The following TSPEAR variants were observed in gnomAD, a reference collection of about 807,000 sequenced individuals.
TSPEAR encodes thrombospondin-type laminin G domain and EAR repeat-containing protein.
TSPEAR carries 69 observed loss-of-function variants against 71.6 expected under a neutral mutation model. That is an observed-to-expected ratio of 0.96 (90% confidence interval 0.79 to 1.18). The LOEUF is 1.18. Ranked by LOEUF, TSPEAR falls within the 50% of genes most tolerant of loss-of-function variation. The pLI is 0.00. For missense variants in TSPEAR, 971 were observed against 894.9 expected, an observed-to-expected ratio of 1.09 and a Z score of -1.09; for synonymous variants, 402 against 387.2, an observed-to-expected ratio of 1.04 and a Z score of -0.45.
At chr21:44,592,508 T>C in intron 1 of TSPEAR, 1 of 1,589,030 alleles carries the variant, frequency 6.3e-7, no homozygotes, top group Non-Finnish European at 8.6e-7. Flanking sequence ...TGGTGGAGGG[T>C]GAGGGAGTGA....
intron 1 of TSPEAR, chr21:44,666,182 G>A (rs1346617219): frequency 2.7e-5 from 13 of 479,968 alleles, no homozygotes; most frequent in African/African-American, 1.9e-4. Context: ...GACCAGAAAT[G>A]CAGAGCTGCA....
intron 1 of TSPEAR, among the ~76,000 whole-genome samples, chr21:44,669,433 A>G (rs192034765): frequency 4.4e-4 from 67 of 152,334 alleles, no homozygotes; most frequent in Admixed American, 2.4e-3. Context: ...AAAAAATTAA[A>G]TAAAAAAATA....
Position 44,525,846 on chromosome 21 carries a change from G to A in TSPEAR, c.1150-7C>T. On this transcript the variant is annotated splice_region_variant and splice_polypyrimidine_tract_variant and intron_variant, in intron 7 of 11. Coordinates refer to ENST00000323084, the MANE Select transcript of TSPEAR (RefSeq NM_144991.3). ...TAGCCACTGCCAGGAAGATCTGAAA[G>A]AGAGTAAACCGGGACCACGTGGTTC... 1 of 1,613,960 alleles carries A rather than the reference G, an allele frequency of 6.2e-7. No homozygotes were observed. Among genetic ancestry groups the A allele is most frequent in the East Asian group, 2.2e-5 (1 of 44,874 alleles).
intron 1 of TSPEAR, among the ~76,000 whole-genome samples, chr21:44,586,481 T>C (rs1301127240): frequency 6.6e-6 from 1 of 152,088 alleles, no homozygotes; most frequent in African/African-American, 2.4e-5. Flanking sequence ...AAGAGAAAAT[T>C]CACAAGCCAT....
intron 9 of TSPEAR, among the ~76,000 whole-genome samples, chr21:44,512,291 C>T (rs1006389049): frequency 6.1e-5 from 9 of 147,388 alleles, no homozygotes; most frequent in East Asian, 2.0e-4. Context: ...CTCTGAGACC[C>T]ACAGGAGCTA....
At position 44,527,848 on chromosome 21, in the gene TSPEAR, C is replaced by T. The variant is rs143481747; in HGVS notation, c.923-330G>A. Among the ~76,000 whole-genome samples, 172 of 152,324 alleles carry T rather than the reference C, an allele frequency of 1.1e-3. 1 individual carries two copies. In the East Asian group the frequency reaches 0.014, roughly 12 times the overall value. ...AGCTCACACACGTGCTGGGCGGAAC[C>T]CATGCCCATTTCCCACGGGTAACCT... On this transcript the variant is annotated intron_variant, in intron 6 of 11. Transcript: ENST00000323084.
rs147199600 is a variant in TSPEAR at position 44,703,998 on chromosome 21, G to A, written c.82+7435C>T. Among the ~76,000 whole-genome samples the A allele has an allele frequency of 7.9e-4, 121 of 152,316 alleles. 1 individual carries two copies. The highest frequency in any genetic ancestry group is 5.2e-4 in the Admixed American group (8 of 15,310). ...CTGAAATCCAGCAAGATGTTCCCAGGACCCTTAGTGCAGGTCTAAGATCAC... is the reference window on the plus strand; with the variant it reads ...CTGAAATCCAGCAAGATGTTCCCAGAACCCTTAGTGCAGGTCTAAGATCAC... On this transcript the variant is annotated intron_variant, in intron 1 of 11. Transcript: ENST00000323084.
chr21:44,580,907 T>C (rs587716817), intron 1 of TSPEAR, among the ~76,000 whole-genome samples: 7 of 152,324 alleles, frequency 4.6e-5, no homozygotes, highest in Admixed American at 2.0e-4. Context: ...AAGCAAACTT[T>C]TGTTGAGTAG....
chr21:44,509,886 T>C, intron 9 of TSPEAR: 1 of 169,996 alleles, frequency 5.9e-6, no homozygotes. Flanking sequence ...AAGCCCACCC[T>C]GATCCCTCTA....
At chr21:44,637,319 C>G in intron 1 of TSPEAR, 1 of 1,430,524 alleles carries the variant, frequency 7.0e-7, no homozygotes, top group Non-Finnish European at 9.5e-7. Flanking sequence ...AGGCCCTGGG[C>G]ATATAAAAGC....
chr21:44,572,020 A>G (rs587696819), intron 1 of TSPEAR, among the ~76,000 whole-genome samples: 13 of 152,284 alleles, frequency 8.5e-5, no homozygotes, highest in South Asian at 6.2e-4. Flanking sequence ...CTCAGACATG[A>G]CCAATTACAG....
chr21:44,599,859 T>C (rs1445796993), intron 1 of TSPEAR, among the ~76,000 whole-genome samples: 2 of 152,036 alleles, frequency 1.3e-5, no homozygotes, highest in East Asian at 3.9e-4. Flanking sequence ...CTGTTGAGAG[T>C]GGCTGTGCTT....
rs782205291 is a variant in TSPEAR, at chr21:44,637,450, C to G, written c.83-69445G>C. 3.7e-6 allele frequency: 6 copies of G among 1,611,668 alleles called. No individual in the cohort carries two copies. In the Admixed American group the frequency reaches 8.3e-5, roughly 22 times the overall value. On this transcript the variant is annotated intron_variant, in intron 1 of 11. Coordinates refer to ENST00000323084, the MANE Select transcript of TSPEAR (RefSeq NM_144991.3). ...CCTCCACCATGTCCATCTGCTCCAG[C>G]GCCTGCACTGACTCTTGGCGGGTAG...
chr21:44,625,420 T>C (rs1982703172), intron 1 of TSPEAR, among the ~76,000 whole-genome samples: 1 of 152,186 alleles, frequency 6.6e-6, no homozygotes, highest in African/African-American at 2.4e-5. Flanking sequence ...AGCAAGACTC[T>C]GGTCTCTACA....
intron 1 of TSPEAR, among the ~76,000 whole-genome samples, chr21:44,569,706 G>C (rs2053763057): frequency 6.6e-6 from 1 of 152,182 alleles, no homozygotes; most frequent in South Asian, 2.1e-4. Context: ...TTCTTGGAAA[G>C]ACCCTGAGTT....
intron 1 of TSPEAR, among the ~76,000 whole-genome samples, chr21:44,648,256 G>A (rs1299120938): frequency 1.3e-5 from 2 of 152,234 alleles, no homozygotes; most frequent in South Asian, 2.1e-4. Flanking sequence ...GGATGAGGCT[G>A]TAGTCTCAGT....
At chr21:44,709,390 C>T (rs951874591) in intron 1 of TSPEAR, among the ~76,000 whole-genome samples, 4 of 152,258 alleles carry the variant, frequency 2.6e-5, no homozygotes, top group Admixed American at 2.6e-4. Flanking sequence ...CCTTGCTGCC[C>T]ACGGGGCTGG....
At position 44,500,470 on chromosome 21, in the gene TSPEAR, C is replaced by T. The variant is rs370943281; in HGVS notation, c.1857-534G>A. 2.0e-4 allele frequency among the ~76,000 whole-genome samples: 31 copies of T among 152,354 alleles called. 1 individual carries two copies. The East Asian group carries it at 5.0e-3, about 25-fold the overall frequency. ...CATTTATCCCAGGAGCTTCCATTTC[C>T]GAGGCGTGGAGTCCCCAAGGCAGGG... On this transcript the variant is annotated intron_variant, in intron 11 of 11. Coordinates refer to ENST00000323084, the MANE Select transcript of TSPEAR (RefSeq NM_144991.3).
chr21:44,620,637 G>C (rs782763435), intron 1 of TSPEAR, among the ~76,000 whole-genome samples: 5 of 152,058 alleles, frequency 3.3e-5, no homozygotes, highest in Non-Finnish European at 5.9e-5. Context: ...TCCTTGATTC[G>C]ATTGATTTTT....
Sources: gnomAD v4.1 joint callset for allele counts (sites outside exome capture counted in the v4.1 genomes callset) on GRCh38, gnomAD v4.1.1 for gene constraint, MANE v1.5 for transcripts, NCBI Gene and HGNC (gene_info 2026-07-23, HGNC 2026-07-21) for gene names.